The following GYPC variants were observed in gnomAD, a reference collection of about 807,000 sequenced individuals.
The protein encoded by GYPC is glycophorin C (Gerbich blood group).
In GYPC, 14 loss-of-function variants were observed where a neutral mutation model predicts 12.6. That is an observed-to-expected ratio of 1.11 (90% CI 0.74 to 1.74). The LOEUF is 1.74. Among genes scored for constraint, GYPC ranks in the 40% most tolerant of loss-of-function variants. The pLI is 0.00. For missense variants in GYPC, 225 were observed against 172.1 expected, an observed-to-expected ratio of 1.31 and a Z score of -1.72; for synonymous variants, 78 against 62.1, an observed-to-expected ratio of 1.26 and a Z score of -1.20.
At chr2:126,687,003 G>C (rs552455064) in intron 1 of GYPC, among the ~76,000 whole-genome samples, 1 of 152,140 alleles carries the variant, frequency 6.6e-6, no homozygotes, top group Admixed American at 6.5e-5. Context: ...CTGGATCTGA[G>C]CTCACTCAGC....
At chr2:126,659,464 C>T (rs544288183) in intron 1 of GYPC, among the ~76,000 whole-genome samples, 13 of 152,206 alleles carry the variant, frequency 8.5e-5, no homozygotes, top group Non-Finnish European at 1.5e-4. Flanking sequence ...AATACCTCAG[C>T]ACCTCAGTTT....
intron 3 of GYPC, among the ~76,000 whole-genome samples, chr2:126,695,201 G>A (rs764657320): frequency 2.6e-5 from 4 of 152,160 alleles, no homozygotes; most frequent in African/African-American, 9.7e-5. Flanking sequence ...CCCCTGTATA[G>A]TGTACATAGA....
Position 126,688,389 on chromosome 2 carries a change from AT to A in GYPC, c.50-1863del, listed in dbSNP as rs746957603. Among the ~76,000 whole-genome samples the A allele has an allele frequency of 3.3e-5, 5 of 152,344 alleles. No individual in the cohort carries two copies. The South Asian group carries it at 6.2e-4, about 19-fold the overall frequency. On this transcript the variant is annotated intron_variant, in intron 1 of 3. Transcript: ENST00000259254. The stretch of plus-strand genomic sequence containing the variant: ...TAGAACTCCACCACTAAATCCATTC[AT>A]TTATACATGCATGCATTTACTCATG...
At chr2:126,690,591 G>T (rs538443) in intron 2 of GYPC, among the ~76,000 whole-genome samples, 14 of 152,298 alleles carry the variant, frequency 9.2e-5, no homozygotes, top group South Asian at 2.1e-4. Context: ...TCTCAGGGCT[G>T]TTGACTCACA....
chr2:126,681,897 C>T (rs36079646), intron 1 of GYPC, among the ~76,000 whole-genome samples: 8 of 152,234 alleles, frequency 5.3e-5, no homozygotes, highest in Non-Finnish European at 1.2e-4. Flanking sequence ...CACCTGTCTG[C>T]GCCATGCCTG....
At chr2:126,692,306 AC>A (rs1175915052) in intron 2 of GYPC, among the ~76,000 whole-genome samples, 1 of 151,566 alleles carries the variant, frequency 6.6e-6, no homozygotes, top group African/African-American at 2.4e-5. Flanking sequence ...GGCCCCAGAC[AC>A]CCCTAGCTTG....
In GYPC at chr2:126,656,203, CGGCCCGGCCT is replaced by C. The variant is rs927558354; in HGVS notation, c.-46_-37del. ...GGAGCCCGGGAGCGCGACCCTCCCC[CGGCCCGGCCT>C]GGCCCGGCCTGGCCAGTCCCCGCGG... On this transcript the variant is annotated 5_prime_UTR_variant, in exon 1 of 4. Transcript: ENST00000259254. 6.5e-6 allele frequency: 10 copies of C among 1,548,098 alleles called. No individual in the cohort carries two copies. The highest frequency in any genetic ancestry group is 2.3e-4 in the Middle Eastern group (1 of 4,344).
chr2:126,671,463 G>T (rs150545237), intron 1 of GYPC, among the ~76,000 whole-genome samples: 9 of 152,378 alleles, frequency 5.9e-5, no homozygotes, highest in Non-Finnish European at 1.2e-4. Flanking sequence ...ACGGGGCCAG[G>T]TGTCAGCTGT....
At chr2:126,674,809 C>T (rs1202545877) in intron 1 of GYPC, among the ~76,000 whole-genome samples, 1 of 152,128 alleles carries the variant, frequency 6.6e-6, no homozygotes, top group Non-Finnish European at 1.5e-5. Flanking sequence ...ACACACACAC[C>T]CTGTTTGAGA....
At chr2:126,686,133 G>C (rs1025976682) in intron 1 of GYPC, 88 of 985,296 alleles carry the variant, frequency 8.9e-5, no homozygotes, top group Non-Finnish European at 1.0e-4. Flanking sequence ...TTTTAGCACA[G>C]TGTCATCTGA....
At chr2:126,682,051 G>A (rs1444827345) in intron 1 of GYPC, among the ~76,000 whole-genome samples, 1 of 152,216 alleles carries the variant, frequency 6.6e-6, no homozygotes, top group Non-Finnish European at 1.5e-5. Flanking sequence ...ACTGGAAATA[G>A]GTGTGTCCAG....
chr2:126,689,226 A>G (rs1417328733), intron 1 of GYPC, among the ~76,000 whole-genome samples: 1 of 152,080 alleles, frequency 6.6e-6, no homozygotes, highest in African/African-American at 2.4e-5. Context: ...CTTCTCCAAG[A>G]GAGAAAGTGC....
chr2:126,664,208 C>CT (rs55692460), intron 1 of GYPC, among the ~76,000 whole-genome samples: 30 of 149,970 alleles, frequency 2.0e-4, no homozygotes, highest in Admixed American at 1.3e-3. Flanking sequence ...TTTTCATAGT[C>CT]TTTTTTTTTT....
intron 1 of GYPC, among the ~76,000 whole-genome samples, chr2:126,670,536 G>A (rs1481389458): frequency 6.6e-6 from 1 of 152,208 alleles, no homozygotes; most frequent in African/African-American, 2.4e-5. Flanking sequence ...AGGGACTGAG[G>A]CAGCAGGGAT....
At chr2:126,656,806 G>C (rs1214494217) in intron 1 of GYPC, among the ~76,000 whole-genome samples, 1 of 152,232 alleles carries the variant, frequency 6.6e-6, no homozygotes, top group Non-Finnish European at 1.5e-5. Flanking sequence ...ACACAGATGC[G>C]AGGGAATCCT....
intron 1 of GYPC, among the ~76,000 whole-genome samples, chr2:126,674,982 C>T (rs1682956113): frequency 6.6e-6 from 1 of 152,218 alleles, no homozygotes; most frequent in Non-Finnish European, 1.5e-5. Flanking sequence ...ATTTCACTGG[C>T]TTCCTGTATT....
intron 1 of GYPC, among the ~76,000 whole-genome samples, chr2:126,663,910 CCT>C (rs1491578455): frequency 6.6e-6 from 1 of 151,558 alleles, no homozygotes; most frequent in Non-Finnish European, 1.5e-5. Flanking sequence ...TTCATGCTCC[CCT>C]TTGAATGGGC....
At chr2:126,686,760 G>A (rs1008893427) in intron 1 of GYPC, 63 of 885,070 alleles carry the variant, frequency 7.1e-5, no homozygotes, top group Admixed American at 1.9e-4. Context: ...CTGTCCAATC[G>A]TTGTGCTGGG....
At position 126,656,208 on chromosome 2, in the gene GYPC, CGGCCT is replaced by C; in HGVS notation, c.-51_-47del. 6.4e-7 allele frequency: 1 copy of C among 1,553,046 alleles called. No homozygotes were observed. The highest frequency in any genetic ancestry group is 1.2e-5 in the South Asian group (1 of 84,614). Reference sequence around the variant, plus strand: ...CCGGGAGCGCGACCCTCCCCCGGCCCGGCCTGGCCCGGCCTGGCCAGTCCCCGCGG... The same window carrying C: ...CCGGGAGCGCGACCCTCCCCCGGCCCGGCCCGGCCTGGCCAGTCCCCGCGG... On this transcript the variant is annotated 5_prime_UTR_variant, in exon 1 of 4. Transcript: ENST00000259254.
Sources: gnomAD v4.1 joint callset for allele counts (sites outside exome capture counted in the v4.1 genomes callset) on GRCh38, gnomAD v4.1.1 for gene constraint, MANE v1.5 for transcripts, NCBI Gene and HGNC (gene_info 2026-07-23, HGNC 2026-07-21) for gene names.